PGBD5: variants seen among roughly 807,000 people sequenced by gnomAD.
The protein encoded by PGBD5 is piggyBac transposable element derived 5.
A neutral mutation model predicts 47.9 loss-of-function variants in PGBD5; 14 were observed. The ratio of observed to expected loss-of-function variants is 0.29; its 90% CI spans 0.19 to 0.46. The LOEUF (loss-of-function observed/expected upper bound fraction) is 0.46. Among genes scored for constraint, PGBD5 ranks in the 20% least tolerant of loss-of-function variants. PGBD5 has a pLI of 1.00. For missense variants in PGBD5, 635 were observed against 716.0 expected (o/e 0.89, Z 1.29); for synonymous variants, 316 against 306.3 (o/e 1.03, Z -0.33).
At chr1:230,380,405 G>A (rs981115662) in intron 1 of PGBD5, among the ~76,000 whole-genome samples, 3 of 152,232 alleles carry the variant, frequency 2.0e-5, no homozygotes, top group African/African-American at 7.2e-5. Flanking sequence ...TCTGGGCAGG[G>A]CATACCTAAG....
At chr1:230,366,559 T>C (rs1482014230) in intron 1 of PGBD5, among the ~76,000 whole-genome samples, 2 of 152,222 alleles carry the variant, frequency 1.3e-5, no homozygotes, top group Admixed American at 1.3e-4. Flanking sequence ...AACTAGTTGC[T>C]GTCCAGCAAA....
chr1:230,339,041 G>A (rs143452094), intron 3 of PGBD5, among the ~76,000 whole-genome samples: 3 of 152,250 alleles, frequency 2.0e-5, no homozygotes, highest in Admixed American at 1.3e-4. Context: ...AGCGAATAAC[G>A]GGGAAGTGTG....
chr1:230,393,854 CG>C (rs1194048910), intron 1 of PGBD5, among the ~76,000 whole-genome samples: 1 of 151,378 alleles, frequency 6.6e-6, no homozygotes, highest in Non-Finnish European at 1.5e-5. Flanking sequence ...ATAATAGGCC[CG>C]GGGCCCGCCA....
chr1:230,377,320 G>A (rs1668028632), intron 1 of PGBD5, among the ~76,000 whole-genome samples: 1 of 152,214 alleles, frequency 6.6e-6, no homozygotes, highest in South Asian at 2.1e-4. Flanking sequence ...AGAGAGGTGA[G>A]CAGTGACTGT....
At chr1:230,326,146 G>A (rs1421059148) in intron 5 of PGBD5, among the ~76,000 whole-genome samples, 4 of 152,254 alleles carry the variant, frequency 2.6e-5, no homozygotes, top group Non-Finnish European at 4.4e-5. Context: ...GGCTGCGCAC[G>A]GTGGCTCACG....
rs144779184 is a variant in PGBD5 at position 230,331,294 on chromosome 1, T to C, written c.1273+1550A>G. Among the ~76,000 whole-genome samples, 314 of 152,170 alleles carry C rather than the reference T, an allele frequency of 2.1e-3. 1 individual carries two copies. The highest frequency in any genetic ancestry group is 7.3e-3 in the African/African-American group (302 of 41,520). ...AGCCGGGCGCAGCGGTATGCACCTG[T>C]AGTCCAAGCTACTTGGGAGGCTGAG... On this transcript the variant is annotated intron_variant, in intron 5 of 6. Transcript: ENST00000391860.
At chr1:230,329,983 T>G (rs1016776186) in intron 5 of PGBD5, among the ~76,000 whole-genome samples, 4 of 152,250 alleles carry the variant, frequency 2.6e-5, no homozygotes, top group East Asian at 1.9e-4. Flanking sequence ...TTTTTTTATG[T>G]TAAATAATAC....
At chr1:230,412,164 C>T (rs1181960775) in intron 1 of PGBD5, among the ~76,000 whole-genome samples, 2 of 152,060 alleles carry the variant, frequency 1.3e-5, no homozygotes, top group Non-Finnish European at 2.9e-5. Context: ...AGTCAAGAAC[C>T]ATGTATAATA....
intron 1 of PGBD5, among the ~76,000 whole-genome samples, chr1:230,404,623 A>T (rs1269469810): frequency 3.1e-5 from 4 of 130,868 alleles, no homozygotes; most frequent in African/African-American, 1.2e-4. Context: ...AAAAAAAAAA[A>T]AAAAAAATAT....
chr1:230,377,753 T>C (rs1558204890), intron 1 of PGBD5: 10 of 1,379,984 alleles, frequency 7.2e-6, no homozygotes, highest in Non-Finnish European at 9.5e-6. Context: ...TGAAATACTG[T>C]GCATAAAGCA....
intron 1 of PGBD5, among the ~76,000 whole-genome samples, chr1:230,422,476 G>C (rs1410835419): frequency 1.3e-5 from 2 of 152,190 alleles, no homozygotes; most frequent in Non-Finnish European, 2.9e-5. Context: ...GGTTAAGAGA[G>C]GGTCCTAGGC....
intron 1 of PGBD5, among the ~76,000 whole-genome samples, chr1:230,386,101 A>G (rs1656630559): frequency 6.6e-6 from 1 of 152,166 alleles, no homozygotes; most frequent in Non-Finnish European, 1.5e-5. Flanking sequence ...CCAAGGCTGG[A>G]GGATCGCTTG....
intron 1 of PGBD5, among the ~76,000 whole-genome samples, chr1:230,380,481 C>T (rs908656133): frequency 2.6e-5 from 4 of 152,172 alleles, no homozygotes; most frequent in African/African-American, 9.7e-5. Context: ...TGGAAACTGA[C>T]ACCCACCACT....
intron 2 of PGBD5, among the ~76,000 whole-genome samples, chr1:230,351,895 T>G (rs1667564901): frequency 6.6e-6 from 1 of 152,208 alleles, no homozygotes; most frequent in Non-Finnish European, 1.5e-5. Flanking sequence ...GATGGCATAA[T>G]AAAAATAGGC....
chr1:230,385,404 G>A (rs1470590958), intron 1 of PGBD5, among the ~76,000 whole-genome samples: 3 of 152,130 alleles, frequency 2.0e-5, no homozygotes, highest in Non-Finnish European at 2.9e-5. Context: ...AGTCCTTAAA[G>A]TATTTCCACC....
At chr1:230,338,447 C>T (rs1165176323) in intron 3 of PGBD5, among the ~76,000 whole-genome samples, 1 of 152,210 alleles carries the variant, frequency 6.6e-6, no homozygotes, top group Non-Finnish European at 1.5e-5. Context: ...CCAGGGACTG[C>T]GTTCAGCTCC....
chr1:230,399,066 T>C (rs533898566), intron 1 of PGBD5, among the ~76,000 whole-genome samples: 2 of 146,006 alleles, frequency 1.4e-5, no homozygotes, highest in East Asian at 3.9e-4. Flanking sequence ...TAAGGGGGGG[T>C]GGCTAAGTGT....
chr1:230,419,938 C>A (rs1657612665), intron 1 of PGBD5, among the ~76,000 whole-genome samples: 1 of 152,108 alleles, frequency 6.6e-6, no homozygotes, highest in South Asian at 2.1e-4. Flanking sequence ...CCAGCCTGGA[C>A]AACATGGCGA....
At chr1:230,401,578 T>C (rs1657139903) in intron 1 of PGBD5, among the ~76,000 whole-genome samples, 1 of 152,214 alleles carries the variant, frequency 6.6e-6, no homozygotes, top group African/African-American at 2.4e-5. Flanking sequence ...AATTCTTTTA[T>C]GAAATTTTCA....
Sources: gnomAD v4.1 joint callset for allele counts (sites outside exome capture counted in the v4.1 genomes callset) on GRCh38, gnomAD v4.1.1 for gene constraint, MANE v1.5 for transcripts, NCBI Gene and HGNC (gene_info 2026-07-23, HGNC 2026-07-21) for gene names.